Variants in GARIN1A observed in about 807,000 individuals in gnomAD.
GARIN1A encodes the protein Golgi-associated RAB2 interactor protein 1A.
At chr7:128,699,186 C>T in the GARIN1A span, among the ~76,000 whole-genome samples, 1 of 147,032 alleles carries the variant, frequency 6.8e-6, no homozygotes, top group African/African-American at 2.5e-5. Context: ...ATATGTATTA[C>T]AAAAATATTG....
chr7:128,674,584 A>G, the GARIN1A span, among the ~76,000 whole-genome samples: 1 of 152,234 alleles, frequency 6.6e-6, no homozygotes, highest in Non-Finnish European at 1.5e-5. Context: ...ACTTACTCTC[A>G]ATGTGTACAA....
chr7:128,705,509 A>G, the GARIN1A span, among the ~76,000 whole-genome samples: 6 of 152,000 alleles, frequency 3.9e-5, no homozygotes, highest in East Asian at 7.7e-4. Flanking sequence ...TCTATAATTC[A>G]GAAGGTTTTC....
chr7:128,691,044 G>A, the GARIN1A span: 2 of 152,198 alleles, frequency 1.3e-5, no homozygotes, highest in African/African-American at 4.8e-5. Flanking sequence ...ACTCTGAGAG[G>A]AAGAAGTTGT....
the GARIN1A span, among the ~76,000 whole-genome samples, chr7:128,705,872 C>T: frequency 6.6e-6 from 1 of 151,868 alleles, no homozygotes; most frequent in African/African-American, 2.4e-5. Context: ...CCCAGGCTGG[C>T]CTCAAACTTC....
At chr7:128,689,521 C>T in the GARIN1A span, among the ~76,000 whole-genome samples, 5 of 151,128 alleles carry the variant, frequency 3.3e-5, no homozygotes, top group Admixed American at 2.6e-4. Context: ...GCCCGGCAGC[C>T]GCCCCGTCTG....
chr7:128,672,657 G>GT, the GARIN1A span: 2 of 378,256 alleles, frequency 5.3e-6, no homozygotes, highest in Admixed American at 4.6e-5. Flanking sequence ...GGAGGGGGGG[G>GT]CGGGGGGACA....
At chr7:128,692,431 G>A in the GARIN1A span, among the ~76,000 whole-genome samples, 28 of 152,236 alleles carry the variant, frequency 1.8e-4, no homozygotes, top group Admixed American at 3.9e-4. Context: ...CTATTTCTTA[G>A]ATGAAAACAC....
the GARIN1A span, among the ~76,000 whole-genome samples, chr7:128,672,001 C>T: frequency 2.0e-4 from 31 of 152,238 alleles, no homozygotes; most frequent in East Asian, 7.7e-4. Context: ...TGTATGTTCC[C>T]GAGAGCCTTC....
chr7:128,677,726 A>G, the GARIN1A span: 2 of 1,613,908 alleles, frequency 1.2e-6, no homozygotes, highest in Middle Eastern at 1.6e-4. Flanking sequence ...TTCTGCAGAA[A>G]GGCCTGTCCA....
At chr7:128,672,528 T>C in the GARIN1A span, 3 of 1,610,236 alleles carry the variant, frequency 1.9e-6, no homozygotes, top group African/African-American at 2.7e-5. Flanking sequence ...AACTCGGTGG[T>C]GTTTGAAAGC....
At chr7:128,677,467 A>G in the GARIN1A span, 5 of 1,331,470 alleles carry the variant, frequency 3.8e-6, no homozygotes, top group Non-Finnish European at 4.9e-6. Context: ...AGATCGCGCC[A>G]CTGCACTCTA....
the GARIN1A span, among the ~76,000 whole-genome samples, chr7:128,701,831 T>A: frequency 2.0e-5 from 3 of 152,170 alleles, no homozygotes; most frequent in Non-Finnish European, 4.4e-5. Flanking sequence ...GGAGAGGAAC[T>A]CAGAACTCAT....
the GARIN1A span, among the ~76,000 whole-genome samples, chr7:128,704,161 T>C: frequency 2.2e-5 from 3 of 136,426 alleles, no homozygotes; most frequent in African/African-American, 5.6e-5. Context: ...TTTAGTTCAG[T>C]GGTCCCCAAC....
the GARIN1A span, among the ~76,000 whole-genome samples, chr7:128,694,243 G>C: frequency 2.6e-5 from 4 of 152,244 alleles, no homozygotes; most frequent in Middle Eastern, 3.4e-3. Context: ...GTAAAAGCAA[G>C]AACTCTGGCC....
chr7:128,699,261 C>CCT, the GARIN1A span, among the ~76,000 whole-genome samples: 46 of 4,716 alleles, frequency 9.8e-3, no homozygotes, highest in African/African-American at 0.039. Context: ...ATACCTGCTG[C>CCT]CCCCCCCCCC....
At chr7:128,689,643 C>A in the GARIN1A span, among the ~76,000 whole-genome samples, 4 of 151,302 alleles carry the variant, frequency 2.6e-5, no homozygotes, top group Admixed American at 1.3e-4. Flanking sequence ...CCGGCAGCCA[C>A]CCCGTCTGGG....
At chr7:128,694,489 GTGCCA>G in the GARIN1A span, among the ~76,000 whole-genome samples, 1 of 151,832 alleles carries the variant, frequency 6.6e-6, no homozygotes, top group East Asian at 1.9e-4. Flanking sequence ...AGTCGAGATT[GTGCCA>G]CTGGACTCCA....
At chr7:128,690,415 TA>T in the GARIN1A span, 23,556 of 152,210 alleles carry the variant, frequency 0.15, 2,182 homozygotes, top group African/African-American at 0.26. Flanking sequence ...AATAAATAAA[TA>T]AATAATAATA....
the GARIN1A span, among the ~76,000 whole-genome samples, chr7:128,690,031 GA>G: frequency 6.6e-6 from 1 of 152,238 alleles, no homozygotes; most frequent in Non-Finnish European, 1.5e-5. Flanking sequence ...GAAAGAAGTA[GA>G]CATGGGAGAC....
Sources: allele counts gnomAD v4.1 joint callset (sites outside exome capture counted in the v4.1 genomes callset), GRCh38; gene constraint gnomAD v4.1.1; transcripts MANE v1.5; gene names NCBI Gene and HGNC (gene_info 2026-07-23, HGNC 2026-07-21).